Variants in RPL6 observed in about 807,000 individuals in gnomAD.
RPL6 encodes large ribosomal subunit protein eL6.
RPL6 carries 1 observed loss-of-function variant against 32.1 expected under a neutral mutation model. The ratio of observed to expected loss-of-function variants is 0.03; its 90% CI spans 0.01 to 0.15. The LOEUF (loss-of-function observed/expected upper bound fraction) is 0.15, where lower values mean the gene tolerates loss of function less well. Ranked by LOEUF, RPL6 falls within the 10% of genes least tolerant of loss-of-function variation. RPL6 has a pLI of 1.00. For missense variants in RPL6, 275 were observed against 354.6 expected (o/e 0.78, Z 1.80); for synonymous variants, 126 against 131.6 (o/e 0.96, Z 0.29).
rs2037162046 is a variant in RPL6 at position 112,406,199 on chromosome 12, T to C, written c.529+95A>G. 3.2e-6 allele frequency: 4 copies of C among 1,254,248 alleles called. No homozygotes were observed. In the Middle Eastern group the frequency reaches 5.7e-4, roughly 178 times the overall value. 77.7% of individuals were successfully genotyped at this position (1,254,248 alleles called of 1,614,324 possible). A position where few individuals can be genotyped will look rare whatever the true frequency, so the allele number is the denominator to read the frequency against. On this transcript the variant is annotated intron_variant, in intron 5 of 6. Transcript: ENST00000202773. Reference sequence around the variant, plus strand: ...GGCCTCAGACACTTGTGGCAATAAGTGTCTACCATGTAGGCAGTAGCAAAC... The same window carrying C: ...GGCCTCAGACACTTGTGGCAATAAGCGTCTACCATGTAGGCAGTAGCAAAC...
At chr12:112,413,383 A>G (rs2135809547), upstream of RPL6, among the ~76,000 whole-genome samples, 1 of 151,830 alleles carries the variant, frequency 6.6e-6, no homozygotes, top group South Asian at 2.1e-4. Context: ...AAAAAATACA[A>G]AAAAATTAGC....
intron 3 of RPL6, chr12:112,408,030 A>G (rs1447405090): frequency 3.5e-6 from 2 of 566,950 alleles, no homozygotes; most frequent in East Asian, 6.0e-5. Flanking sequence ...TCATTCCCAT[A>G]TTATATGCAA....
intron 5 of RPL6, 100 bp downstream of exon 5, chr12:112,406,194 A>AT: frequency 8.1e-7 from 1 of 1,237,012 alleles, no homozygotes; most frequent in Non-Finnish European, 1.2e-6. Flanking sequence ...ACTTGTGGCA[A>AT]TAAGTGTCTA....
At chr12:112,417,359 G>C (rs1384155879) in intron 1 of RPL6, among the ~76,000 whole-genome samples, 1 of 151,298 alleles carries the variant, frequency 6.6e-6, no homozygotes, top group South Asian at 2.1e-4. Context: ...CGCTCAGCTA[G>C]ATCTGTAGCC....
At chr12:112,414,995 T>C (rs2037387914), upstream of RPL6, among the ~76,000 whole-genome samples, 1 of 152,110 alleles carries the variant, frequency 6.6e-6, no homozygotes, top group African/African-American at 2.4e-5. Flanking sequence ...CATGTTAGGT[T>C]CTAAGGATAG....
intron 1 of RPL6, among the ~76,000 whole-genome samples, chr12:112,416,008 G>A (rs58221430): frequency 0.035 from 5,140 of 148,482 alleles, 327 homozygotes; most frequent in African/African-American, 0.12. Flanking sequence ...GCCCAGGTGG[G>A]AGTGCAGTGG....
exon 1 of RPL6, chr12:112,418,800 G>A (rs1343231047): frequency 3.9e-5 from 18 of 458,434 alleles, no homozygotes; most frequent in Non-Finnish European, 6.2e-5. Context: ...CGGAGCCCCC[G>A]CGCTGCCATT....
Position 112,408,517 on chromosome 12 carries a change from T to C in RPL6, c.140A>G (p.Asn47Ser). Residue 47 changes from asparagine (N) to serine (S), a missense_variant, in exon 2 of 7, where the codon AAC (asparagine) becomes AGC (serine). Physicochemically the swap from Asn to Ser is conservative, Grantham distance 46 (BLOSUM62 1). Transcript: ENST00000202773. The stretch of plus-strand genomic sequence containing the variant: ...GCCAATTCCTCTGACAAGGACAGGG[T>C]TGCGGCTGCAATGGGGCTTCCCCTT... Reference protein sequence around the residue: ...PKKGKPHCSRNPVLVRGIGRY... With the variant: ...PKKGKPHCSRSPVLVRGIGRY... 1 of 1,613,138 alleles carries C rather than the reference T, an allele frequency of 6.2e-7. No individual in the cohort carries two copies. The highest frequency in any genetic ancestry group is 8.5e-7 in the Non-Finnish European group (1 of 1,179,996).
chr12:112,405,324 T>C lies in RPL6; in HGVS notation c.767A>G (p.Gln256Arg). The change falls in exon 7 of 7, where the codon CAA becomes CGA. Residue 256 changes from glutamine (Q) to arginine (R), a missense_variant. Gln to Arg is a conservative substitution (Grantham distance 43, BLOSUM62 1). Transcript: ENST00000202773. The stretch of plus-strand genomic sequence containing the variant: ...AATAGCTTTGATTTTTGGTAAAATT[T>C]GTGAGTCCACAGCTTTCTGATCAAT... ...RKIDQKAVDS[Q>R]ILPKIKAIPQ... 1 of 1,611,696 alleles carries C rather than the reference T, an allele frequency of 6.2e-7. No individual in the cohort carries two copies. Among genetic ancestry groups the C allele is most frequent in the Non-Finnish European group, 8.5e-7 (1 of 1,179,522 alleles).
chr12:112,407,484 C>T (rs2037207230), intron 3 of RPL6: 1 of 152,870 alleles, frequency 6.5e-6, no homozygotes, highest in Non-Finnish European at 1.5e-5. Context: ...AACATGATCA[C>T]CTAATGGGAA....
chr12:112,405,400 T>C, intron 6 of RPL6, 24 bp from the exon 7 acceptor site: 5 of 1,609,622 alleles, frequency 3.1e-6, no homozygotes, highest in Non-Finnish European at 4.2e-6. Flanking sequence ...AAATCAAACA[T>C]TTTAAAACAG....
intron 3 of RPL6, 85 bp from the exon 4 acceptor site, chr12:112,406,975 A>G: frequency 1.4e-6 from 2 of 1,388,442 alleles, no homozygotes; most frequent in East Asian, 2.3e-5. Flanking sequence ...CTTTTGCTAC[A>G]GCCTTTTTAT....
At chr12:112,406,224 C>CA in intron 5 of RPL6, 70 bp downstream of exon 5, 1 of 1,409,542 alleles carries the variant, frequency 7.1e-7, no homozygotes, top group Non-Finnish European at 1.0e-6. Flanking sequence ...CAGTAGCAAA[C>CA]AAACGTGTAT....
rs761897821 is a variant in RPL6, at chr12:112,408,298, G to T, written c.278C>A (p.Thr93Lys). The T allele has an allele frequency of 9.3e-6, 15 of 1,614,090 alleles. No individual in the cohort carries two copies. The highest frequency in any genetic ancestry group is 4.5e-5 in the East Asian group (2 of 44,900). Residue 93 changes from threonine to lysine, a missense_variant, in exon 3 of 7, where the codon ACA (threonine) becomes AAA (lysine). Transcript: ENST00000202773. ...KKKEKVLATV[T>K]KPVGGDKNGG... ...GTTCTTGTCACCACCAACTGGTTTT[G>T]TAACAGTTGCGAGAACCTTCTCCTT...
upstream of RPL6, among the ~76,000 whole-genome samples, chr12:112,411,884 T>C (rs1364280936): frequency 2.0e-5 from 3 of 151,906 alleles, no homozygotes; most frequent in Non-Finnish European, 4.4e-5. Context: ...ACTTAATCTT[T>C]TTTTTTTTTT....
chr12:112,412,252 G>A (rs2037350053), upstream of RPL6, among the ~76,000 whole-genome samples: 1 of 152,092 alleles, frequency 6.6e-6, no homozygotes, highest in African/African-American at 2.4e-5. Context: ...TGTTAGCCAG[G>A]ATGGTCTCGA....
chr12:112,406,078 AATC>A, intron 5 of RPL6, 41 bp from the exon 6 acceptor site: 3 of 1,536,118 alleles, frequency 2.0e-6, no homozygotes, highest in East Asian at 2.3e-5. Flanking sequence ...AAGGGGGAAG[AATC>A]ATCATCCTGC....
Position 112,406,026 on chromosome 12 carries a change from G to A in RPL6, c.541C>T (p.Leu181Phe). The change falls in exon 6 of 7, where the codon CTC becomes TTC. Residue 181 changes from leucine (L) to phenylalanine (F), a missense_variant. By Grantham distance (22) the Leu-to-Phe change is conservative. Coordinates refer to ENST00000202773, the MANE Select transcript of RPL6 (RefSeq NM_000970.6). ...GTTCTTCGTAGAGGAACTCGATTGA[G>A]GACCAGAGGTCCTAAGGGGGAAAAA... ...GLLLVTGPLV[L>F]NRVPLRRTHQ... 1.2e-6 allele frequency: 2 copies of A among 1,611,772 alleles called. No individual in the cohort carries two copies. The highest frequency in any genetic ancestry group is 1.7e-6 in the Non-Finnish European group (2 of 1,179,080).
intron 1 of RPL6, among the ~76,000 whole-genome samples, chr12:112,417,926 G>GTCT (rs2037440739): frequency 6.6e-6 from 1 of 152,160 alleles, no homozygotes; most frequent in Admixed American, 6.5e-5. Context: ...CCAAAGGGAA[G>GTCT]TGCTGGGATT....
Sources: gnomAD v4.1 joint callset for allele counts (sites outside exome capture counted in the v4.1 genomes callset) on GRCh38, gnomAD v4.1.1 for gene constraint, MANE v1.5 for transcripts, NCBI Gene and HGNC (gene_info 2026-07-23, HGNC 2026-07-21) for gene names.